Variants in ADAM12 observed in about 807,000 individuals in gnomAD.
ADAM12 encodes the protein disintegrin and metalloproteinase domain-containing protein 12.
Under a neutral mutation model 106.4 loss-of-function variants are expected in ADAM12, and 70 were observed. That is an observed-to-expected ratio of 0.66 (90% CI 0.54 to 0.80). ADAM12 has a LOEUF of 0.80. Ranked by LOEUF, ADAM12 falls within the 30% of genes least tolerant of loss-of-function variation. The pLI is 0.00. For synonymous variants in ADAM12, 420 were observed against 433.5 expected (o/e 0.97, Z 0.39); for missense variants, 1,010 against 1,171.9 (o/e 0.86, Z 2.02).
rs1377175842 is a variant in ADAM12 at position 126,388,131 on chromosome 10, C to T, written c.15G>A (p.Pro5=). ...GGGCGCGGGCGGGGGACACGGGCAG[C>T]GGGCGCGCTGCCATCGTCGCCGGCC... MAAR[P]LPVSPARALL... is the part of the protein sequence containing the mutation. The change falls in exon 1 of 23, where the codon CCG becomes CCA. Residue 5 remains proline (P), a synonymous_variant. Transcript: ENST00000448723. This position sits in a 1 kb window ranked among gnomAD's most constrained non-coding sequence, Gnocchi z 4.4. The T allele has an allele frequency of 1.6e-6, 2 of 1,217,180 alleles. No homozygotes were observed. Among genetic ancestry groups the T allele is most frequent in the Admixed American group, 4.2e-5 (1 of 23,788 alleles). The allele number at this position is 1,217,180 out of a possible 1,614,324, so 75.4% of individuals were successfully genotyped here.
intron 1 of ADAM12, among the ~76,000 whole-genome samples, chr10:126,360,670 T>A (rs929666965): frequency 6.6e-6 from 1 of 152,200 alleles, no homozygotes; most frequent in Non-Finnish European, 1.5e-5. Flanking sequence ...TCAACAAGTC[T>A]CTAGGGAGTT....
intron 16 of ADAM12, among the ~76,000 whole-genome samples, chr10:126,048,630 G>A (rs924818986): frequency 3.3e-5 from 5 of 149,712 alleles, no homozygotes; most frequent in East Asian, 2.0e-4. Context: ...CATTGTATTC[G>A]CTTGCTGTCA....
chr10:126,153,836 A>G lies in ADAM12; in HGVS notation c.339+1391T>C, dbSNP rs535168709. 5.3e-5 allele frequency among the ~76,000 whole-genome samples: 8 copies of G among 152,316 alleles called. No individual in the cohort carries two copies. The South Asian group carries it at 1.7e-3, about 32-fold the overall frequency. Reference sequence around the variant, plus strand: ...TGATGTGGGACCAGTTTTGAGGTCAATATCTTGACTGGGAATTCCATTCCT... The same window carrying G: ...TGATGTGGGACCAGTTTTGAGGTCAGTATCTTGACTGGGAATTCCATTCCT... On this transcript the variant is annotated intron_variant, in intron 4 of 22. Transcript: ENST00000448723.
rs200174799 is a variant in ADAM12 at position 126,386,773 on chromosome 10, G to GT, written c.88+1284dup. ...TCAGGCACACTTTGAGACACTTTCC[G>GT]TTTTTTAAAAAGTTCTTTCTTAATA... is the stretch of plus-strand genomic sequence containing the variant. On this transcript the variant is annotated intron_variant, in intron 1 of 22. Transcript: ENST00000448723. Among the ~76,000 whole-genome samples the GT allele has an allele frequency of 6.0e-3, 913 of 152,238 alleles. 3 individuals carry two copies. Among genetic ancestry groups the GT allele is most frequent in the African/African-American group, 0.021 (861 of 41,526 alleles).
At chr10:126,332,231 T>C (rs1854545282) in intron 1 of ADAM12, among the ~76,000 whole-genome samples, 1 of 152,150 alleles carries the variant, frequency 6.6e-6, no homozygotes, top group Admixed American at 6.6e-5. Context: ...AAAAAGCCCA[T>C]TCTTTCTTCT....
intron 2 of ADAM12, among the ~76,000 whole-genome samples, chr10:126,279,472 A>T (rs1188921821): frequency 5.4e-5 from 1 of 18,456 alleles, no homozygotes; most frequent in African/African-American, 2.2e-4. Flanking sequence ...GCACTTTGGG[A>T]GGCCGAGGGG....
intron 21 of ADAM12, among the ~76,000 whole-genome samples, chr10:126,027,361 C>G (rs1953893320): frequency 6.6e-6 from 1 of 152,178 alleles, no homozygotes; most frequent in Admixed American, 6.5e-5. Context: ...AGAGACTCCT[C>G]TCTAACTCAT....
chr10:126,333,944 A>G (rs777550204), intron 1 of ADAM12, among the ~76,000 whole-genome samples: 2 of 152,168 alleles, frequency 1.3e-5, no homozygotes, highest in Admixed American at 6.5e-5. Context: ...TGAGTACGGT[A>G]TGTATTATCT....
At chr10:126,314,081 C>T (rs1961239387) in intron 2 of ADAM12, among the ~76,000 whole-genome samples, 1 of 151,834 alleles carries the variant, frequency 6.6e-6, no homozygotes, top group Non-Finnish European at 1.5e-5. Flanking sequence ...GGACAAAAGC[C>T]AGAGGAGGAG....
chr10:126,164,182 T>C (rs973026012), intron 3 of ADAM12, among the ~76,000 whole-genome samples: 1 of 152,240 alleles, frequency 6.6e-6, no homozygotes, highest in Non-Finnish European at 1.5e-5. Flanking sequence ...ATGTCAACTT[T>C]TTCCTATTAT....
intron 2 of ADAM12, among the ~76,000 whole-genome samples, chr10:126,320,125 G>A (rs1210687517): frequency 6.6e-6 from 1 of 152,194 alleles, no homozygotes; most frequent in Non-Finnish European, 1.5e-5. Flanking sequence ...TTATTCCTTA[G>A]TGTTCAAGTT....
chr10:126,210,656 C>G (rs111795491), intron 3 of ADAM12, among the ~76,000 whole-genome samples: 1 of 152,102 alleles, frequency 6.6e-6, no homozygotes, highest in African/African-American at 2.4e-5. Context: ...GACTGGGCCA[C>G]GAGGAAGGTC....
At chr10:126,306,703 C>A (rs1960860746) in intron 2 of ADAM12, among the ~76,000 whole-genome samples, 1 of 152,140 alleles carries the variant, frequency 6.6e-6, no homozygotes, top group African/African-American at 2.4e-5. Flanking sequence ...TTTCCATTTT[C>A]TTCTGGCGGT....
In ADAM12 at chr10:126,099,019, C is replaced by T. The variant is rs377018257; in HGVS notation, c.912-519G>A. 2.1e-4 allele frequency among the ~76,000 whole-genome samples: 32 copies of T among 152,296 alleles called. No individual in the cohort carries two copies. The East Asian group carries it at 3.9e-3, about 18-fold the overall frequency. On this transcript the variant is annotated intron_variant, in intron 9 of 22. Coordinates refer to ENST00000448723, the MANE Select transcript of ADAM12 (RefSeq NM_001288973.2). ...GCAGAAAAATTATCAACCCTGGAGC[C>T]GGTGTAGAACAAGTGAGCACCCACA...
intron 2 of ADAM12, among the ~76,000 whole-genome samples, chr10:126,282,826 G>A (rs1310431425): frequency 6.6e-6 from 1 of 152,094 alleles, no homozygotes; most frequent in Non-Finnish European, 1.5e-5. Context: ...TTTGCCACCA[G>A]TGGCCGGTTT....
chr10:126,364,128 A>G (rs1045457513), intron 1 of ADAM12, among the ~76,000 whole-genome samples: 5 of 152,130 alleles, frequency 3.3e-5, no homozygotes, highest in African/African-American at 7.2e-5. Flanking sequence ...AATAAAATTC[A>G]GTATCCAATA....
At chr10:126,220,589 G>T (rs2133851621) in intron 3 of ADAM12, among the ~76,000 whole-genome samples, 1 of 152,308 alleles carries the variant, frequency 6.6e-6, no homozygotes, top group Middle Eastern at 3.4e-3. Context: ...TTATAAAAAT[G>T]ATTTTTTAAT....
chr10:126,020,833 A>G (rs1953751157), intron 21 of ADAM12, among the ~76,000 whole-genome samples: 1 of 151,954 alleles, frequency 6.6e-6, no homozygotes, highest in South Asian at 2.1e-4. Context: ...TCTACTAAAA[A>G]TACCAAAAAT....
intron 21 of ADAM12, among the ~76,000 whole-genome samples, chr10:126,035,443 G>A (rs1264976265): frequency 2.0e-5 from 3 of 151,742 alleles, no homozygotes; most frequent in Admixed American, 2.0e-4. Flanking sequence ...ATTGTAAATG[G>A]GACTAATTTT....
Sources: gnomAD v4.1 joint callset for allele counts (sites outside exome capture counted in the v4.1 genomes callset) on GRCh38, gnomAD v4.1.1 for gene constraint, Gnocchi (gnomAD v3.1) non-coding constraint, MANE v1.5 for transcripts, NCBI Gene and HGNC (gene_info 2026-07-23, HGNC 2026-07-21) for gene names.